HDAC4: variants seen among roughly 807,000 people sequenced by gnomAD.
The protein encoded by HDAC4 is histone deacetylase 4.
A neutral mutation model predicts 135.1 loss-of-function variants in HDAC4; 16 were observed. The observed-to-expected ratio is 0.12, with a 90% CI of 0.08 to 0.18. The LOEUF is 0.18. HDAC4 is among the 10% of genes least tolerant of loss of function. HDAC4 has a pLI of 1.00. For synonymous variants in HDAC4, 685 were observed against 653.4 expected (o/e 1.05, Z -0.74); for missense variants, 1,143 against 1,511.8 (o/e 0.76, Z 4.05).
intron 3 of HDAC4, among the ~76,000 whole-genome samples, chr2:239,218,676 C>G (rs1209435631): frequency 6.9e-6 from 1 of 145,284 alleles, no homozygotes; most frequent in Non-Finnish European, 1.5e-5. Context: ...TCAGAGTGAA[C>G]AGGCAACCTA....
At chr2:239,148,518 C>T (rs6728895) in intron 7 of HDAC4, among the ~76,000 whole-genome samples, 12,406 of 152,188 alleles carry the variant, frequency 0.082, 1,715 homozygotes, top group African/African-American at 0.28. Context: ...GACAAAGGCT[C>T]GGCCTTGAGA....
intron 12 of HDAC4, among the ~76,000 whole-genome samples, chr2:239,121,304 C>A (rs2152832091): frequency 6.6e-6 from 1 of 152,346 alleles, no homozygotes; most frequent in Middle Eastern, 3.4e-3. Context: ...GTAAGAAAAT[C>A]TCAAACGTCC....
chr2:239,348,985 C>A (rs1234732526), intron 2 of HDAC4, among the ~76,000 whole-genome samples: 1 of 152,240 alleles, frequency 6.6e-6, no homozygotes, highest in Non-Finnish European at 1.5e-5. Context: ...GCCACACACA[C>A]TGCACTAGAA....
intron 14 of HDAC4, among the ~76,000 whole-genome samples, chr2:239,110,200 C>A (rs1258536602): frequency 6.6e-6 from 1 of 152,232 alleles, no homozygotes; most frequent in Non-Finnish European, 1.5e-5. Context: ...AACCTGCCAC[C>A]ACTGGGGAGT....
rs1317880188 is a variant in HDAC4 at position 239,299,783 on chromosome 2, G to A, written c.22+52895C>T. Reference sequence around the variant, plus strand: ...CTGGGGCCCAGGGACTGGCACAGCTGTTCCGCTCTGCTCCCGGCATGTCAC... The same window carrying A: ...CTGGGGCCCAGGGACTGGCACAGCTATTCCGCTCTGCTCCCGGCATGTCAC... On this transcript the variant is annotated intron_variant, in intron 2 of 26. Coordinates refer to ENST00000543185, the MANE Select transcript of HDAC4 (RefSeq NM_001378414.1). This position sits in a 1 kb window ranked among gnomAD's most constrained non-coding sequence, Gnocchi z 4.0. 6.6e-6 allele frequency among the ~76,000 whole-genome samples: 1 copy of A among 152,290 alleles called. No individual in the cohort carries two copies. Among genetic ancestry groups the A allele is most frequent in the Admixed American group, 6.5e-5 (1 of 15,300 alleles).
At chr2:239,107,348 G>A (rs922729215) in intron 15 of HDAC4, among the ~76,000 whole-genome samples, 5 of 152,250 alleles carry the variant, frequency 3.3e-5, no homozygotes, top group African/African-American at 1.2e-4. Context: ...GGCCCTCCTT[G>A]TATGAGAACA....
chr2:239,238,733 T>C (rs937492228), intron 2 of HDAC4, among the ~76,000 whole-genome samples: 1 of 152,182 alleles, frequency 6.6e-6, no homozygotes, highest in Non-Finnish European at 1.5e-5. Flanking sequence ...AATTACAAGT[T>C]ACTTTTACTA....
chr2:239,055,019 A>G (rs1476833770), intron 24 of HDAC4, among the ~76,000 whole-genome samples, 186 bp from the exon 25 acceptor site: 1 of 151,978 alleles, frequency 6.6e-6, no homozygotes, highest in African/African-American at 2.4e-5. Context: ...TTTTTGTAAA[A>G]GTGGATTTTT....
At chr2:239,060,355 C>T (rs575229501) in intron 24 of HDAC4, among the ~76,000 whole-genome samples, 64 of 152,194 alleles carry the variant, frequency 4.2e-4, no homozygotes, top group Non-Finnish European at 8.5e-4. Context: ...TTCACACCAC[C>T]GCTCTCTCCT....
intron 2 of HDAC4, among the ~76,000 whole-genome samples, chr2:239,265,378 G>C (rs2049659035): frequency 6.6e-6 from 1 of 152,212 alleles, no homozygotes; most frequent in South Asian, 2.1e-4. Context: ...AATGGGTGTG[G>C]TTTCAAAATA....
chr2:239,158,606 G>A (rs2042571692), intron 6 of HDAC4, among the ~76,000 whole-genome samples: 1 of 152,008 alleles, frequency 6.6e-6, no homozygotes, highest in Non-Finnish European at 1.5e-5. Context: ...CCCCCCAACT[G>A]CCAGCGCCTC....
chr2:239,259,296 C>A (rs1030407363), intron 2 of HDAC4, among the ~76,000 whole-genome samples: 2 of 152,054 alleles, frequency 1.3e-5, no homozygotes, highest in Admixed American at 6.6e-5. Context: ...CAAGAATACA[C>A]AAAATTAGCC....
chr2:239,156,859 CT>C, intron 6 of HDAC4, 86 bp from the exon 7 acceptor site: 1 of 1,540,440 alleles, frequency 6.5e-7, no homozygotes, highest in Non-Finnish European at 8.9e-7. Flanking sequence ...ACACGATGAT[CT>C]TTCCCTTGAA....
At chr2:239,374,900 T>C (rs1172485461) in intron 1 of HDAC4, among the ~76,000 whole-genome samples, 2 of 152,154 alleles carry the variant, frequency 1.3e-5, no homozygotes, top group Non-Finnish European at 2.9e-5. Flanking sequence ...AAGGGCAGCG[T>C]GCAAATCGGG....
chr2:239,197,291 C>G (rs34570074), intron 3 of HDAC4, among the ~76,000 whole-genome samples: 1 of 151,984 alleles, frequency 6.6e-6, no homozygotes, highest in Non-Finnish European at 1.5e-5. Context: ...TCTCCCAGTA[C>G]TGTCAGGAAA....
At chr2:239,152,313 C>T (rs547361362) in intron 7 of HDAC4, among the ~76,000 whole-genome samples, 1 of 152,234 alleles carries the variant, frequency 6.6e-6, no homozygotes, top group Admixed American at 6.5e-5. Context: ...ACAGTTCTGT[C>T]TCTTCTGACT....
chr2:239,133,560 A>G (rs912065380), intron 11 of HDAC4, among the ~76,000 whole-genome samples: 1 of 152,170 alleles, frequency 6.6e-6, no homozygotes, highest in Non-Finnish European at 1.5e-5. Flanking sequence ...TCTGCCTTCC[A>G]ATTTCAAGCA....
At chr2:239,110,537 C>G (rs2038576301) in intron 14 of HDAC4, among the ~76,000 whole-genome samples, 1 of 152,206 alleles carries the variant, frequency 6.6e-6, no homozygotes, top group Non-Finnish European at 1.5e-5. Flanking sequence ...TTCTGAGAAG[C>G]AGCATTTTAC....
intron 2 of HDAC4, among the ~76,000 whole-genome samples, chr2:239,334,221 G>T (rs942312069): frequency 6.6e-6 from 1 of 152,068 alleles, no homozygotes; most frequent in African/African-American, 2.4e-5. Context: ...TCTAACAAAA[G>T]AAATAAAAGA....
Sources: gnomAD v4.1 joint callset for allele counts (sites outside exome capture counted in the v4.1 genomes callset) on GRCh38, gnomAD v4.1.1 for gene constraint, Gnocchi (gnomAD v3.1) non-coding constraint, MANE v1.5 for transcripts, NCBI Gene and HGNC (gene_info 2026-07-23, HGNC 2026-07-21) for gene names.